The following HDAC8 variants were observed in gnomAD, a reference collection of about 807,000 sequenced individuals.
HDAC8 encodes histone deacetylase 8, also known as histone deacetylase-like 1.
Under a neutral mutation model 32.2 loss-of-function variants are expected in HDAC8, and 1 was observed. The ratio of observed to expected loss-of-function variants is 0.03; its 90% CI spans 0.01 to 0.15. The LOEUF (loss-of-function observed/expected upper bound fraction) is 0.15, where lower values mean the gene tolerates loss of function less well. HDAC8 is among the 10% of genes least tolerant of loss of function. The pLI is 1.00. For missense variants in HDAC8, 117 were observed against 300.0 expected, an observed-to-expected ratio of 0.39 and a Z score of 4.51; for synonymous variants, 108 against 113.9, an observed-to-expected ratio of 0.95 and a Z score of 0.33.
intron 3 of HDAC8, 75 bp from the exon 4 acceptor site, chrX:72,568,105 C>A (rs1484026092): frequency 1.1e-6 from 1 of 936,493 alleles, no homozygotes; most frequent in Non-Finnish European, 1.5e-6. Context: ...GGTGTGACAA[C>A]AACCTAACCT....
chrX:72,520,419 C>G (rs1204596397), intron 4 of HDAC8, among the ~76,000 whole-genome samples: 1 of 111,766 alleles, frequency 8.9e-6, no homozygotes, highest in Non-Finnish European at 1.9e-5. Flanking sequence ...AAATTTCAAA[C>G]TTATGGAAGA....
At chrX:72,475,303 T>C (rs782134935) in intron 7 of HDAC8, among the ~76,000 whole-genome samples, 1 of 112,462 alleles carries the variant, frequency 8.9e-6, no homozygotes, top group East Asian at 2.8e-4. Flanking sequence ...AATGTCAGCC[T>C]GAGAAAAGTT....
intron 9 of HDAC8, among the ~76,000 whole-genome samples, chrX:72,426,878 A>G (rs782362622): frequency 9.1e-6 from 1 of 109,868 alleles, no homozygotes; most frequent in South Asian, 4.1e-4. Context: ...TCCTAATTTA[A>G]TAGGATGGGT....
At chrX:72,465,848 C>T (rs1032935239) in intron 7 of HDAC8, among the ~76,000 whole-genome samples, 9 of 111,699 alleles carry the variant, frequency 8.1e-5, no homozygotes, top group African/African-American at 2.6e-4. Context: ...CCATATGTAA[C>T]AAGGGTATTG....
At chrX:72,520,103 T>A (rs782692749) in intron 4 of HDAC8, among the ~76,000 whole-genome samples, 19 of 112,264 alleles carry the variant, frequency 1.7e-4, no homozygotes, top group Non-Finnish European at 2.8e-4. Context: ...TAAATTTTGA[T>A]GAAGTTCAAT....
intron 4 of HDAC8, among the ~76,000 whole-genome samples, chrX:72,506,537 AACTC>A (rs1279279523): frequency 1.8e-5 from 2 of 111,777 alleles, no homozygotes; most frequent in African/African-American, 6.5e-5. Flanking sequence ...AGAGAATAAA[AACTC>A]ACTCACTTCT....
intron 4 of HDAC8, among the ~76,000 whole-genome samples, chrX:72,545,948 G>T (rs986585966): frequency 2.7e-5 from 3 of 111,743 alleles, no homozygotes; most frequent in Non-Finnish European, 3.8e-5. Flanking sequence ...GAGCTGGGGT[G>T]GTGTGGATAG....
At chrX:72,566,115 C>A (rs2051775700) in intron 4 of HDAC8, among the ~76,000 whole-genome samples, 1 of 109,910 alleles carries the variant, frequency 9.1e-6, no homozygotes, top group African/African-American at 3.3e-5. Flanking sequence ...CCACTGCACT[C>A]CAGCCTTGGT....
rs1206950343 is a variant in HDAC8, at chrX:72,353,281, CA to C, written c.1006-1444del. On this transcript the variant is annotated intron_variant, in intron 9 of 10. Transcript: ENST00000373573. The stretch of plus-strand genomic sequence containing the variant: ...GGGAGATGGTTTTGCATATCCATGA[CA>C]GAAAACTCTACACATTTAATTAAAA... Among the ~76,000 whole-genome samples the C allele has an allele frequency of 3.6e-5, 4 of 112,045 alleles. No homozygotes were observed. The Admixed American group carries it at 3.8e-4, about 11-fold the overall frequency.
chrX:72,374,194 C>T (rs1422200957), intron 9 of HDAC8, among the ~76,000 whole-genome samples: 3 of 111,276 alleles, frequency 2.7e-5, no homozygotes, highest in Non-Finnish European at 3.8e-5. Flanking sequence ...TACAGGTGCA[C>T]ACCAACATGC....
intron 9 of HDAC8, among the ~76,000 whole-genome samples, chrX:72,442,060 T>A (rs1157296484): frequency 9.0e-6 from 1 of 111,102 alleles, no homozygotes; most frequent in Non-Finnish European, 1.9e-5. Flanking sequence ...TACGTCTGAT[T>A]GGTGTACCTG....
chrX:72,337,461 G>C (rs1194136221), intron 10 of HDAC8, among the ~76,000 whole-genome samples: 1 of 111,386 alleles, frequency 9.0e-6, no homozygotes, highest in Non-Finnish European at 1.9e-5. Context: ...TTGACTAGGG[G>C]TCATCCTTAC....
At position 72,458,128 on chromosome X, in the gene HDAC8, C is replaced by G. The variant is rs782166834; in HGVS notation, c.1005+3876G>C. ...TGTGCTAAATTTGCCATGTACTGGT[C>G]TTTTCATGGTACCATGACACCTTTG... is the stretch of plus-strand genomic sequence containing the variant. On this transcript the variant is annotated intron_variant, in intron 9 of 10. Coordinates refer to ENST00000373573, the MANE Select transcript of HDAC8 (RefSeq NM_018486.3). 3.6e-5 allele frequency among the ~76,000 whole-genome samples: 4 copies of G among 112,217 alleles called. No homozygotes were observed. The East Asian group carries it at 8.4e-4, about 24-fold the overall frequency.
chrX:72,560,188 C>T (rs901268539), intron 4 of HDAC8, among the ~76,000 whole-genome samples: 1 of 112,109 alleles, frequency 8.9e-6, no homozygotes, highest in Non-Finnish European at 1.9e-5. Context: ...GGGAAGTAGA[C>T]GTAGGAGACT....
intron 9 of HDAC8, among the ~76,000 whole-genome samples, chrX:72,407,270 C>T (rs1938631656): frequency 8.9e-6 from 1 of 112,192 alleles, no homozygotes; most frequent in South Asian, 3.7e-4. Context: ...CTGGCCTGCG[C>T]ACTGGGAGGA....
chrX:72,427,511 A>G (rs1206259667), intron 9 of HDAC8, among the ~76,000 whole-genome samples: 2 of 100,672 alleles, frequency 2.0e-5, no homozygotes, highest in African/African-American at 7.6e-5. Flanking sequence ...AAAACCAAAC[A>G]CCGCATGTTC....
At chrX:72,490,014 A>G (rs1238784516) in intron 6 of HDAC8, among the ~76,000 whole-genome samples, 4 of 111,927 alleles carry the variant, frequency 3.6e-5, no homozygotes, top group Non-Finnish European at 7.5e-5. Context: ...GCTCACCATC[A>G]CTGGCCATCA....
intron 9 of HDAC8, among the ~76,000 whole-genome samples, chrX:72,441,684 A>G (rs1182540760): frequency 1.8e-5 from 2 of 112,621 alleles, no homozygotes; most frequent in Non-Finnish European, 3.7e-5. Context: ...AGCTGGATGG[A>G]GAATGACTTT....
intron 4 of HDAC8, among the ~76,000 whole-genome samples, chrX:72,507,651 T>C (rs113638405): frequency 0.016 from 1,782 of 111,836 alleles, 18 homozygotes; most frequent in Middle Eastern, 0.065. Context: ...TAATAAATAT[T>C]CCCCCTATTG....
Sources: gnomAD v4.1 joint callset for allele counts (sites outside exome capture counted in the v4.1 genomes callset) on GRCh38, gnomAD v4.1.1 for gene constraint, MANE v1.5 for transcripts, NCBI Gene and HGNC (gene_info 2026-07-23, HGNC 2026-07-21) for gene names.